Variants in TEX15 observed in about 807,000 individuals in gnomAD.
TEX15 encodes the protein testis expressed 15, meiosis and synapsis associated, also known as testis-expressed protein 15.
In TEX15, 171 loss-of-function variants were observed where a neutral mutation model predicts 237.3. The observed-to-expected ratio is 0.72, with a 90% CI of 0.64 to 0.82. TEX15 has a LOEUF of 0.82. TEX15 is among the 40% of genes least tolerant of loss of function. The pLI is 0.00. For synonymous variants in TEX15, 1,338 were observed against 1,269.8 expected, an observed-to-expected ratio of 1.05 and a Z score of -1.14; for missense variants, 3,750 against 3,646.5, an observed-to-expected ratio of 1.03 and a Z score of -0.73.
chr8:30,912,806 C>T (rs994120022), intron 1 of TEX15, 73 bp downstream of exon 1: 4 of 152,222 alleles, frequency 2.6e-5, no homozygotes, highest in African/African-American at 9.6e-5. Context: ...TTCTTCACTC[C>T]TTAATTTTAA....
Position 30,847,628 on chromosome 8 carries a change from T to C in TEX15, c.2539A>G (p.Asn847Asp), listed in dbSNP as rs201113263. 6 of 1,613,626 alleles carry C rather than the reference T, an allele frequency of 3.7e-6. No homozygotes were observed. In the South Asian group the frequency reaches 6.6e-5, roughly 18 times the overall value. ...AAATTAACATTCAGCCATATATCAT[T>C]GCTTAACTGTGAATTACAGAACAGA... ...HNLFCNSQLSNDIWLNVNFKK... is the reference protein window; with the variant it reads ...HNLFCNSQLSDDIWLNVNFKK... Residue 847 changes from asparagine to aspartate, a missense_variant, in exon 8 of 11, where the codon AAT (asparagine) becomes GAT (aspartate). Coordinates refer to ENST00000643185, the MANE Select transcript of TEX15 (RefSeq NM_001350162.2).
chr8:30,874,870 T>C, intron 4 of TEX15, 67 bp downstream of exon 4: 1 of 951,116 alleles, frequency 1.1e-6, no homozygotes. Context: ...TAGAAATGAA[T>C]TAGCATAAAA....
intron 1 of TEX15, among the ~76,000 whole-genome samples, chr8:30,908,068 C>A (rs906649941): frequency 6.6e-6 from 1 of 152,084 alleles, no homozygotes; most frequent in African/African-American, 2.4e-5. Flanking sequence ...GGACTATACG[C>A]ATGTGCCACC....
At position 30,843,501 on chromosome 8, in the gene TEX15, A is replaced by G. The variant is rs1431581231; in HGVS notation, c.6666T>C (p.Cys2222=). The G allele has an allele frequency of 3.1e-6, 5 of 1,613,100 alleles. No individual in the cohort carries two copies. Among genetic ancestry groups the G allele is most frequent in the Non-Finnish European group, 3.4e-6 (4 of 1,179,658 alleles). ...ACGAATGAACTTTAGGAGAGTCCCC[A>G]CATACATTGATCAACTTTAAAGTAC... The part of the protein sequence containing the change: ...RKSTLKLINV[C]GDSPKVHSYP... The change falls in exon 8 of 11, where the codon TGT becomes TGC. Residue 2222 remains cysteine, a synonymous_variant. Transcript: ENST00000643185.
Position 30,844,587 on chromosome 8 carries a change from T to C in TEX15, c.5580A>G (p.Arg1860=). Residue 1860 remains arginine (R), a synonymous_variant, in exon 8 of 11, where the codon AGA becomes AGG. Coordinates refer to ENST00000643185, the MANE Select transcript of TEX15 (RefSeq NM_001350162.2). The stretch of plus-strand genomic sequence containing the variant: ...TAACAGTTGATCCTTCAGTCATGCT[T>C]CTTTTGTAAACAGAATCTTTTGCTT... The part of the protein sequence containing the change: ...AEKAKDSVYK[R]SMTEGSTVNT... 1 of 1,613,254 alleles carries C rather than the reference T, an allele frequency of 6.2e-7. No individual in the cohort carries two copies. Among genetic ancestry groups the C allele is most frequent in the Non-Finnish European group, 8.5e-7 (1 of 1,179,588 alleles).
chr8:30,840,161 T>TA (rs1313130514), intron 8 of TEX15, among the ~76,000 whole-genome samples, 197 bp from the exon 9 acceptor site: 1 of 151,764 alleles, frequency 6.6e-6, no homozygotes, highest in Non-Finnish European at 1.5e-5. Context: ...GGAGTAACTT[T>TA]AAAAAAAATA....
intron 4 of TEX15, among the ~76,000 whole-genome samples, chr8:30,868,150 T>TG (rs2128771935): frequency 6.6e-6 from 1 of 152,156 alleles, no homozygotes; most frequent in East Asian, 1.9e-4. Flanking sequence ...CAAGCTAATA[T>TG]TTGATTACAG....
Position 30,848,578 on chromosome 8 carries a change from C to G in TEX15, c.1589G>C (p.Gly530Ala). The stretch of plus-strand genomic sequence containing the variant: ...AAAATTACCTTGGTCCTTACATTGC[C>G]CTGCCATGGTAACTTTATTGGGAGG... ...CIPPNKVTMA[G>A]QCKDQGNFSF... is the part of the protein sequence containing the mutation. The change falls in exon 8 of 11, where the codon GGG (glycine) becomes GCG (alanine). Residue 530 changes from glycine (G) to alanine (A), a missense_variant. Gly to Ala is a moderately conservative substitution (Grantham distance 60). Coordinates refer to ENST00000643185, the MANE Select transcript of TEX15 (RefSeq NM_001350162.2). 2 of 1,614,058 alleles carry G rather than the reference C, an allele frequency of 1.2e-6. No homozygotes were observed. The highest frequency in any genetic ancestry group is 1.7e-6 in the Non-Finnish European group (2 of 1,179,992).
chr8:30,899,536 C>T (rs968302794), intron 1 of TEX15, among the ~76,000 whole-genome samples: 1 of 152,160 alleles, frequency 6.6e-6, no homozygotes, highest in Admixed American at 6.5e-5. Flanking sequence ...CTGCAACCTC[C>T]GCTGCCTGGG....
Position 30,841,991 on chromosome 8 carries a change from A to C in TEX15, c.8163+13T>G. On this transcript the variant is annotated intron_variant, in intron 8 of 10. Transcript: ENST00000643185. ...AGAATACTTATAAAAGTTTTGTTTT[A>C]AAACATACATACCTTTAGCTTTTTA... 1 of 1,520,910 alleles carries C rather than the reference A, an allele frequency of 6.6e-7. No homozygotes were observed. Among genetic ancestry groups the C allele is most frequent in the East Asian group, 2.3e-5 (1 of 43,546 alleles). 94.2% of individuals were successfully genotyped at this position (1,520,910 alleles called of 1,614,324 possible). A position where few individuals can be genotyped will look rare whatever the true frequency, so the allele number is the denominator to read the frequency against.
At chr8:30,886,169 CTAGAT>C (rs1261803919) in intron 3 of TEX15, among the ~76,000 whole-genome samples, 2 of 152,146 alleles carry the variant, frequency 1.3e-5, no homozygotes, top group Non-Finnish European at 2.9e-5. Context: ...TTATGAGACT[CTAGAT>C]TATATTTAAT....
chr8:30,875,535 G>C (rs1808382299), intron 3 of TEX15, among the ~76,000 whole-genome samples: 1 of 152,210 alleles, frequency 6.6e-6, no homozygotes, highest in African/African-American at 2.4e-5. Flanking sequence ...ATGTGTGTAA[G>C]ATGCTGCCTG....
intron 2 of TEX15, among the ~76,000 whole-genome samples, chr8:30,889,937 A>ATATATACACATATATATATATACGTG (rs1563273099): frequency 1.6e-5 from 2 of 124,320 alleles, no homozygotes; most frequent in Admixed American, 8.4e-5. Context: ...TTATATACAT[A>ATATATACACATATATATATATACGTG]TATATATATA....
chr8:30,907,651 TTATATATA>T (rs1809134779), intron 1 of TEX15, among the ~76,000 whole-genome samples: 1 of 142,526 alleles, frequency 7.0e-6, no homozygotes, highest in South Asian at 2.1e-4. Flanking sequence ...AATTTATATA[TTATATATA>T]ATTTATATAT....
At chr8:30,865,465 C>A (rs191714191) in intron 5 of TEX15, among the ~76,000 whole-genome samples, 4 of 152,160 alleles carry the variant, frequency 2.6e-5, no homozygotes, top group Admixed American at 2.6e-4. Context: ...TCCACAAGGC[C>A]AGTATTACCT....
intron 4 of TEX15, among the ~76,000 whole-genome samples, chr8:30,868,188 G>A (rs1808214650): frequency 6.6e-6 from 1 of 151,892 alleles, no homozygotes; most frequent in South Asian, 2.1e-4. Context: ...AGAAAATTAG[G>A]AATCAACCTC....
rs555440229 is a variant in TEX15, at chr8:30,866,752, C to A, written c.540+513G>T. 7.2e-5 allele frequency among the ~76,000 whole-genome samples: 11 copies of A among 151,754 alleles called. No individual in the cohort carries two copies. The East Asian group carries it at 1.9e-3, about 27-fold the overall frequency. ...ACACACACACACACACACGCATGCA[C>A]AAAATAGTTCAAAGGTCCCATATAC... On this transcript the variant is annotated intron_variant, in intron 5 of 10. Transcript: ENST00000643185.
chr8:30,904,798 GA>G (rs1809067319), intron 1 of TEX15, among the ~76,000 whole-genome samples: 1 of 152,110 alleles, frequency 6.6e-6, no homozygotes, highest in African/African-American at 2.4e-5. Flanking sequence ...ATTTTAGTAT[GA>G]AAAACATAGC....
At chr8:30,840,115 T>A (rs1449192806) in intron 8 of TEX15, 151 bp from the exon 9 acceptor site, 5 of 453,382 alleles carry the variant, frequency 1.1e-5, no homozygotes, top group Non-Finnish European at 1.9e-5. Flanking sequence ...CAGAAAGCAG[T>A]GACTCTCCTA....
Sources: allele counts gnomAD v4.1 joint callset (sites outside exome capture counted in the v4.1 genomes callset), GRCh38; gene constraint gnomAD v4.1.1; transcripts MANE v1.5; gene names NCBI Gene and HGNC (gene_info 2026-07-23, HGNC 2026-07-21).